Variants in EFNB2 observed in about 807,000 individuals in gnomAD.
EFNB2 encodes the protein ephrin-B2.
A neutral mutation model predicts 32.1 loss-of-function variants in EFNB2; 5 were observed. The observed-to-expected ratio is 0.16, with a 90% CI of 0.08 to 0.33. The LOEUF is 0.33. Ranked by LOEUF, EFNB2 falls within the 10% of genes least tolerant of loss-of-function variation. EFNB2 has a pLI of 1.00. For synonymous variants in EFNB2, 168 were observed against 166.5 expected, an observed-to-expected ratio of 1.01 and a Z score of -0.07; for missense variants, 263 against 422.6, an observed-to-expected ratio of 0.62 and a Z score of 3.31.
intron 4 of EFNB2, 94 bp downstream of exon 4, chr13:106,494,787 G>A (rs1037475864): frequency 3.2e-6 from 3 of 927,662 alleles, no homozygotes; most frequent in African/African-American, 1.6e-5. Context: ...AATCCTAACT[G>A]GTTAGAAGTC....
rs1448076822 is a variant in EFNB2 at position 106,493,738 on chromosome 13, G to A, written c.614-310C>T. Reference sequence around the variant, plus strand: ...TCTTCTAACCCGTGTCAGCCAGCCTGGGGCAGCGGCAGGGAAGAAAAAGGG... The same window carrying A: ...TCTTCTAACCCGTGTCAGCCAGCCTAGGGCAGCGGCAGGGAAGAAAAAGGG... On this transcript the variant is annotated intron_variant, in intron 4 of 4. Transcript: ENST00000646441. The surrounding 1 kb of genome is among the most constrained non-coding windows in gnomAD (Gnocchi z 6.1). Among the ~76,000 whole-genome samples the A allele has an allele frequency of 6.6e-6, 1 of 152,174 alleles. No homozygotes were observed.
intron 2 of EFNB2, among the ~76,000 whole-genome samples, chr13:106,500,430 A>G (rs1878737069): frequency 6.6e-6 from 1 of 152,208 alleles, no homozygotes; most frequent in Non-Finnish European, 1.5e-5. Context: ...AAATATAAAT[A>G]CTATTGAGGG....
intron 2 of EFNB2, among the ~76,000 whole-genome samples, chr13:106,496,883 A>G (rs1037996327): frequency 6.6e-6 from 1 of 152,236 alleles, no homozygotes; most frequent in Non-Finnish European, 1.5e-5. Flanking sequence ...AGAGTGCTAG[A>G]CATTTTCATT....
At chr13:106,530,710 G>T (rs137887238) in intron 1 of EFNB2, among the ~76,000 whole-genome samples, 1 of 152,088 alleles carries the variant, frequency 6.6e-6, no homozygotes, top group African/African-American at 2.4e-5. Context: ...CTGGGATCTC[G>T]AATAGTTTCC....
At chr13:106,528,332 C>T (rs1233823781) in intron 1 of EFNB2, among the ~76,000 whole-genome samples, 1 of 152,104 alleles carries the variant, frequency 6.6e-6, no homozygotes, top group East Asian at 1.9e-4. Context: ...GTATCTACAG[C>T]CCCAAACAGA....
chr13:106,497,750 T>A (rs974837047), intron 2 of EFNB2, among the ~76,000 whole-genome samples: 1 of 152,122 alleles, frequency 6.6e-6, no homozygotes, highest in Non-Finnish European at 1.5e-5. Context: ...ATTCTGCTCT[T>A]TCCCTTTTCC....
chr13:106,514,370 T>C (rs769099751), intron 1 of EFNB2, among the ~76,000 whole-genome samples: 2 of 152,210 alleles, frequency 1.3e-5, no homozygotes, highest in African/African-American at 2.4e-5. Context: ...CTCAACCTTG[T>C]GAATGGCAAT....
intron 2 of EFNB2, among the ~76,000 whole-genome samples, chr13:106,500,507 C>T (rs1372902159): frequency 6.6e-6 from 1 of 152,168 alleles, no homozygotes. Context: ...GGCAGATGGA[C>T]ACTTGGAAGC....
At position 106,492,188 on chromosome 13, in the gene EFNB2, C is replaced by T. The variant is rs1192613480; in HGVS notation, c.*852G>A. ...GTGTGCTGTCGTGTCTCCTACTGGC[C>T]TCTTCGATCTCAGCAAAACCAAAGT... On this transcript the variant is annotated 3_prime_UTR_variant, in exon 5 of 5. Coordinates refer to ENST00000646441, the MANE Select transcript of EFNB2 (RefSeq NM_004093.4). This position sits in a 1 kb window ranked among gnomAD's most constrained non-coding sequence, Gnocchi z 5.1. 1 of 152,726 alleles carries T rather than the reference C, an allele frequency of 6.5e-6. No individual in the cohort carries two copies. Among genetic ancestry groups the T allele is most frequent in the East Asian group, 1.9e-4 (1 of 5,192 alleles). 9.5% of individuals were successfully genotyped at this position (152,726 alleles called of 1,614,324 possible).
intron 1 of EFNB2, among the ~76,000 whole-genome samples, chr13:106,530,642 A>C (rs556278321): frequency 1.1e-4 from 17 of 152,296 alleles, no homozygotes; most frequent in African/African-American, 3.9e-4. Flanking sequence ...AGGGTCTACA[A>C]TCTGTATTTC....
chr13:106,520,797 C>A (rs1455530307), intron 1 of EFNB2: 1 of 152,116 alleles, frequency 6.6e-6, no homozygotes, highest in Non-Finnish European at 1.5e-5. Context: ...CACTTTACTG[C>A]CCCCTTTTGC....
intron 2 of EFNB2, among the ~76,000 whole-genome samples, chr13:106,507,753 C>A (rs1879003295): frequency 6.6e-6 from 1 of 152,170 alleles, no homozygotes; most frequent in East Asian, 1.9e-4. Context: ...GTGAGGGAGG[C>A]CTCCAAGAGG....
At position 106,528,088 on chromosome 13, in the gene EFNB2, A is replaced by T. The variant is rs536774642; in HGVS notation, c.122+6755T>A. Among the ~76,000 whole-genome samples, 11 of 152,334 alleles carry T rather than the reference A, an allele frequency of 7.2e-5. No individual in the cohort carries two copies. In the South Asian group the frequency reaches 2.3e-3, roughly 32 times the overall value. On this transcript the variant is annotated intron_variant, in intron 1 of 4. Coordinates refer to ENST00000646441, the MANE Select transcript of EFNB2 (RefSeq NM_004093.4). ...CAAGTGTAGAATGCAAGGTGCTTGG[A>T]TGTGAGCAGCCTGTAAATCAGGGGG...
chr13:106,510,799 G>C (rs1256566331), intron 2 of EFNB2, among the ~76,000 whole-genome samples: 3 of 152,184 alleles, frequency 2.0e-5, no homozygotes, highest in African/African-American at 7.2e-5. Context: ...GGATCACAAG[G>C]TCAAGAGATC....
chr13:106,529,748 A>G (rs1764793988), intron 1 of EFNB2, among the ~76,000 whole-genome samples: 1 of 152,178 alleles, frequency 6.6e-6, no homozygotes, highest in South Asian at 2.1e-4. Context: ...TATCTGAAAG[A>G]CAGAAAATGG....
At chr13:106,510,743 G>C (rs1347471433) in intron 2 of EFNB2, among the ~76,000 whole-genome samples, 1 of 151,084 alleles carries the variant, frequency 6.6e-6, no homozygotes, top group African/African-American at 2.5e-5. Flanking sequence ...GCCAGGCGCG[G>C]TGGCTCACGC....
intron 1 of EFNB2, among the ~76,000 whole-genome samples, chr13:106,514,109 G>A (rs566571875): frequency 6.6e-6 from 1 of 152,200 alleles, no homozygotes; most frequent in Admixed American, 6.5e-5. Flanking sequence ...GTATGTGGCT[G>A]TTACCTCTTT....
At chr13:106,520,649 A>G (rs1307205905) in intron 1 of EFNB2, 1 of 152,246 alleles carries the variant, frequency 6.6e-6, no homozygotes, top group East Asian at 1.9e-4. Flanking sequence ...GATTGCTGCA[A>G]CAGCTTAATA....
chr13:106,521,457 A>G (rs957656502), intron 1 of EFNB2: 1 of 152,222 alleles, frequency 6.6e-6, no homozygotes, highest in Non-Finnish European at 1.5e-5. Context: ...TGAATCTGCA[A>G]TAACAGAGCT....
Sources: gnomAD v4.1 joint callset for allele counts (sites outside exome capture counted in the v4.1 genomes callset) on GRCh38, gnomAD v4.1.1 for gene constraint, Gnocchi (gnomAD v3.1) non-coding constraint, MANE v1.5 for transcripts, NCBI Gene and HGNC (gene_info 2026-07-23, HGNC 2026-07-21) for gene names.